The following TNFSF4 variants were observed in gnomAD, a reference collection of about 807,000 sequenced individuals.
The protein encoded by TNFSF4 is TNF superfamily member 4.
Under a neutral mutation model 7.3 loss-of-function variants are expected in TNFSF4, and 4 were observed. The ratio of observed to expected loss-of-function variants is 0.55; its 90% CI spans 0.27 to 1.25. The LOEUF is 1.25. Among genes scored for constraint, TNFSF4 ranks in the 50% most tolerant of loss-of-function variants. TNFSF4 has a pLI of 0.12. For synonymous variants in TNFSF4, 76 were observed against 83.7 expected, an observed-to-expected ratio of 0.91 and a Z score of 0.50; for missense variants, 181 against 208.8, an observed-to-expected ratio of 0.87 and a Z score of 0.82.
the TNFSF4 span, among the ~76,000 whole-genome samples, chr1:173,438,322 G>A: frequency 6.6e-6 from 1 of 152,276 alleles, no homozygotes; most frequent in South Asian, 2.1e-4. Context: ...TAACTTCAAG[G>A]AAATAGCATT....
intron 1 of TNFSF4, among the ~76,000 whole-genome samples, chr1:173,196,353 A>C (rs576618313): frequency 6.6e-6 from 1 of 152,342 alleles, no homozygotes; most frequent in African/African-American, 2.4e-5. Context: ...CACAAAGAAA[A>C]GCCATTTTAA....
the TNFSF4 span, chr1:173,362,481 C>T: frequency 2.4e-5 from 13 of 536,048 alleles, no homozygotes; most frequent in Non-Finnish European, 4.5e-5. Flanking sequence ...CCTTCTGTTT[C>T]TCCAGCTGGG....
At chr1:173,276,553 G>A in the TNFSF4 span, among the ~76,000 whole-genome samples, 28 of 152,254 alleles carry the variant, frequency 1.8e-4, no homozygotes, top group African/African-American at 6.7e-4. Context: ...CACTGAGTTG[G>A]AGGCCTTAGA....
the TNFSF4 span, among the ~76,000 whole-genome samples, chr1:173,449,668 C>A: frequency 6.6e-6 from 1 of 151,988 alleles, no homozygotes; most frequent in Admixed American, 6.6e-5. Flanking sequence ...AATGCAAGCA[C>A]GGACTAATAC....
the TNFSF4 span, among the ~76,000 whole-genome samples, chr1:173,317,653 C>T: frequency 6.6e-6 from 1 of 151,912 alleles, no homozygotes; most frequent in Non-Finnish European, 1.5e-5. Context: ...ACCACAAAAC[C>T]ATACCAAAAA....
the TNFSF4 span, among the ~76,000 whole-genome samples, chr1:173,437,100 A>T: frequency 6.6e-6 from 1 of 152,194 alleles, no homozygotes; most frequent in South Asian, 2.1e-4. Context: ...ATTGTCACAC[A>T]TCGTAACCAG....
downstream of TNFSF4, among the ~76,000 whole-genome samples, chr1:173,178,926 T>A (rs1190710773): frequency 6.6e-6 from 1 of 152,166 alleles, no homozygotes; most frequent in African/African-American, 2.4e-5. Flanking sequence ...GAAAGCAATG[T>A]AACTATTGAA....
At chr1:173,211,531 T>A (rs1189947939), upstream of TNFSF4, among the ~76,000 whole-genome samples, 2 of 152,196 alleles carry the variant, frequency 1.3e-5, no homozygotes, top group Non-Finnish European at 2.9e-5. Flanking sequence ...AAGCCCTTCA[T>A]CCTGGCACAG....
At chr1:173,177,968 A>G in the TNFSF4 span, among the ~76,000 whole-genome samples, 1 of 152,190 alleles carries the variant, frequency 6.6e-6, no homozygotes, top group East Asian at 1.9e-4. Flanking sequence ...TCATATTATA[A>G]ATAACACAGT....
At chr1:173,420,562 T>C in the TNFSF4 span, among the ~76,000 whole-genome samples, 1 of 152,040 alleles carries the variant, frequency 6.6e-6, no homozygotes, top group African/African-American at 2.4e-5. Flanking sequence ...TCCTGGCCAG[T>C]AGACCCTACC....
At chr1:173,420,358 A>G in the TNFSF4 span, among the ~76,000 whole-genome samples, 1 of 152,176 alleles carries the variant, frequency 6.6e-6, no homozygotes. Flanking sequence ...CCAGCTGCTA[A>G]TTCTCAAGCC....
At chr1:173,422,223 G>T in the TNFSF4 span, among the ~76,000 whole-genome samples, 1 of 144,928 alleles carries the variant, frequency 6.9e-6, no homozygotes, top group South Asian at 2.1e-4. Flanking sequence ...ATTACCAATG[G>T]CCATTACCAA....
the TNFSF4 span, among the ~76,000 whole-genome samples, chr1:173,220,803 G>A: frequency 6.6e-5 from 10 of 152,130 alleles, no homozygotes; most frequent in Non-Finnish European, 1.3e-4. Context: ...TATAAATGTT[G>A]TTTAAGCCAC....
At chr1:173,305,875 A>G in the TNFSF4 span, among the ~76,000 whole-genome samples, 3 of 151,876 alleles carry the variant, frequency 2.0e-5, no homozygotes, top group African/African-American at 7.2e-5. Context: ...CCTTCCCTCC[A>G]CATGTGCGGA....
the TNFSF4 span, among the ~76,000 whole-genome samples, chr1:173,380,839 C>T: frequency 1.3e-5 from 2 of 152,120 alleles, no homozygotes; most frequent in African/African-American, 4.8e-5. Flanking sequence ...ACTCACCCAC[C>T]TTTTTTAACA....
chr1:173,240,577 T>C, the TNFSF4 span, among the ~76,000 whole-genome samples: 1 of 152,234 alleles, frequency 6.6e-6, no homozygotes, highest in South Asian at 2.1e-4. Context: ...TCACACTTTA[T>C]ATATTGCCTT....
At chr1:173,419,049 G>A in the TNFSF4 span, among the ~76,000 whole-genome samples, 1 of 152,184 alleles carries the variant, frequency 6.6e-6, no homozygotes, top group Non-Finnish European at 1.5e-5. Flanking sequence ...AGAAGAGTTA[G>A]AGTAACCTGG....
At chr1:173,297,197 G>C in the TNFSF4 span, among the ~76,000 whole-genome samples, 1 of 151,794 alleles carries the variant, frequency 6.6e-6, no homozygotes, top group Non-Finnish European at 1.5e-5. Flanking sequence ...AGGGAGACAG[G>C]GCAGACTTCC....
the TNFSF4 span, among the ~76,000 whole-genome samples, chr1:173,413,232 G>C: frequency 6.6e-6 from 1 of 152,350 alleles, no homozygotes; most frequent in Admixed American, 6.5e-5. Context: ...CAGAGACAGA[G>C]AGACAGGGGC....
Sources: allele counts gnomAD v4.1 joint callset (sites outside exome capture counted in the v4.1 genomes callset), GRCh38; gene constraint gnomAD v4.1.1; transcripts MANE v1.5; gene names NCBI Gene and HGNC (gene_info 2026-07-23, HGNC 2026-07-21).